ENDOU: variants seen among roughly 807,000 people sequenced by gnomAD.
The protein encoded by ENDOU is uridylate-specific endoribonuclease.
Under a neutral mutation model 54.2 loss-of-function variants are expected in ENDOU, and 49 were observed. The ratio of observed to expected loss-of-function variants is 0.90; its 90% CI spans 0.72 to 1.15. The LOEUF is 1.15. ENDOU is among the 50% of genes most tolerant of loss of function. ENDOU has a pLI of 0.00. For missense variants in ENDOU, 458 were observed against 511.4 expected, an observed-to-expected ratio of 0.90 and a Z score of 1.01; for synonymous variants, 172 against 190.5, an observed-to-expected ratio of 0.90 and a Z score of 0.80.
chr12:47,712,568 AG>A lies in ENDOU; in HGVS notation c.919del (p.Leu307TrpfsTer69), dbSNP rs1592500957. 3 of 1,614,174 alleles carry A rather than the reference AG, an allele frequency of 1.9e-6. No individual in the cohort carries two copies. Among genetic ancestry groups the A allele is most frequent in the Non-Finnish European group, 2.5e-6 (3 of 1,180,016 alleles). On this transcript the variant is annotated frameshift_variant, in exon 8 of 10. Coordinates refer to ENST00000422538, the MANE Select transcript of ENDOU (RefSeq NM_001172439.2). LOFTEE classifies it high-confidence loss of function. ...GTCAACCAGACCCTCCTTCTCCTCC[AG>A]GTAGAAGCGGATCCAGTTATGGAAG... is the stretch of plus-strand genomic sequence containing the variant. ...TGFHNWIRFYLEEKEGLVDYY... is the reference protein window; with the variant it reads ...TGFHNWIRFYXEEKEGLVDYY...
chr12:47,723,663 A>T (rs1940502947), intron 1 of ENDOU, among the ~76,000 whole-genome samples: 1 of 152,144 alleles, frequency 6.6e-6, no homozygotes, highest in African/African-American at 2.4e-5. Flanking sequence ...CCATCAAGGA[A>T]GCTTGGTCCC....
intron 3 of ENDOU, 181 bp downstream of exon 3, chr12:47,717,948 G>A: frequency 1.6e-6 from 1 of 630,024 alleles, no homozygotes; most frequent in East Asian, 2.8e-5. Context: ...CTCCTCCCAT[G>A]GCCCCCCAGG....
intron 3 of ENDOU, chr12:47,717,922 C>G (rs1940312902): frequency 3.2e-6 from 2 of 616,938 alleles, no homozygotes; most frequent in Middle Eastern, 4.3e-4. Flanking sequence ...GCCTCAGGCT[C>G]TCTTTCCTAG....
At chr12:47,716,205 C>A in intron 6 of ENDOU, 95 bp downstream of exon 6, 1 of 1,204,432 alleles carries the variant, frequency 8.3e-7, no homozygotes, top group Non-Finnish European at 1.2e-6. Flanking sequence ...GTCCCCACCG[C>A]CTCCTCACCT....
At position 47,711,659 on chromosome 12, in the gene ENDOU, C is replaced by CAGGGAGT. The variant is rs1329003928; in HGVS notation, c.1082_1088dup (p.Cys364LeufsTer73). Reference sequence around the variant, plus strand: ...CTTTGCCTGGCCTGGCGATGAAGCACAGGGAGTAGAGTGCAAACTCAAACT... The same window carrying CAGGGAGT: ...CTTTGCCTGGCCTGGCGATGAAGCACAGGGAGTAGGGAGTAGAGTGCAAACTCAAACT... On this transcript the variant is annotated frameshift_variant, in exon 9 of 10. Transcript: ENST00000422538. LOFTEE classifies it high-confidence loss of function. 6.2e-7 allele frequency: 1 copy of CAGGGAGT among 1,613,964 alleles called. No homozygotes were observed. The highest frequency in any genetic ancestry group is 2.2e-5 in the East Asian group (1 of 44,882).
In ENDOU at chr12:47,717,014, T is replaced by G. The variant is rs753672911; in HGVS notation, c.427A>C (p.Ser143Arg). Residue 143 changes from serine (S) to arginine (R), a missense_variant, in exon 5 of 10, where the codon AGC (serine) becomes CGC (arginine). Ser to Arg is a moderately radical substitution (Grantham distance 110, BLOSUM62 -1). Coordinates refer to ENST00000422538, the MANE Select transcript of ENDOU (RefSeq NM_001172439.2). The stretch of plus-strand genomic sequence containing the variant: ...GCCCTGTAGATCTTCTCAGAGATGC[T>G]CTGAATCTCCTCTTTTGTTATGGCA... ...SDAITKEEIQ[S>R]ISEKIYRADT... is the part of the protein sequence containing the mutation. 2 of 1,614,114 alleles carry G rather than the reference T, an allele frequency of 1.2e-6. No homozygotes were observed. The highest frequency in any genetic ancestry group is 1.7e-6 in the Non-Finnish European group (2 of 1,179,988).
At position 47,717,638 on chromosome 12, in the gene ENDOU, T is replaced by C. The variant is rs756510863; in HGVS notation, c.262A>G (p.Thr88Ala). 3.1e-6 allele frequency: 5 copies of C among 1,613,762 alleles called. No homozygotes were observed. In the African/African-American group the frequency reaches 6.7e-5, roughly 22 times the overall value. ...ALASNLYSAP[T>A]SCQGRCYEAF... ...TCGTAGCAGCGGCCCTGGCAGGAGG[T>C]GGGTGCCGAGTACAAGTCTGAGAAG... is the stretch of plus-strand genomic sequence containing the variant. The change falls in exon 4 of 10, where the codon ACC becomes GCC. Residue 88 changes from threonine to alanine, a missense_variant. Transcript: ENST00000422538.
At chr12:47,720,966 G>T in intron 1 of ENDOU, 91 bp from the exon 2 acceptor site, 1 of 1,269,922 alleles carries the variant, frequency 7.9e-7, no homozygotes. Context: ...ACCAGGGCAG[G>T]AGTGTACCTG....
Position 47,720,879 on chromosome 12 carries a change from T to C in ENDOU, c.56-4A>G, listed in dbSNP as rs1325252915. ...GATGCACAGGATTCTATTTTTCCTA[T>C]GGGCAGTAAAGGTCACCAACTCAGC... On this transcript the variant is annotated splice_region_variant and splice_polypyrimidine_tract_variant and intron_variant, in intron 1 of 9. Coordinates refer to ENST00000422538, the MANE Select transcript of ENDOU (RefSeq NM_001172439.2). 1 of 1,535,964 alleles carries C rather than the reference T, an allele frequency of 6.5e-7. No individual in the cohort carries two copies. The highest frequency in any genetic ancestry group is 8.7e-7 in the Non-Finnish European group (1 of 1,146,872).
At chr12:47,717,102 A>G in intron 4 of ENDOU, 44 bp from the exon 5 acceptor site, 3 of 1,585,550 alleles carry the variant, frequency 1.9e-6, no homozygotes, top group Non-Finnish European at 2.6e-6. Context: ...CCAGAGGGAA[A>G]GGGGGGCGGG....
intron 4 of ENDOU, 138 bp from the exon 5 acceptor site, chr12:47,717,196 G>A: frequency 1.4e-6 from 1 of 706,858 alleles, no homozygotes; most frequent in Non-Finnish European, 2.5e-6. Context: ...GGACACCCTA[G>A]TGGTGGACAG....
At chr12:47,715,330 G>A (rs144666735) in intron 6 of ENDOU, among the ~76,000 whole-genome samples, 13 of 152,336 alleles carry the variant, frequency 8.5e-5, no homozygotes, top group East Asian at 3.9e-4. Context: ...CCTTGGCATC[G>A]GAACCCTGAG....
chr12:47,724,319 T>C (rs1186885010), intron 1 of ENDOU, among the ~76,000 whole-genome samples: 1 of 152,206 alleles, frequency 6.6e-6, no homozygotes, highest in Non-Finnish European at 1.5e-5. Context: ...TCTGGTAAGA[T>C]GCACTATCTC....
chr12:47,712,918 G>A (rs563723678), intron 7 of ENDOU, among the ~76,000 whole-genome samples: 7 of 152,140 alleles, frequency 4.6e-5, no homozygotes, highest in South Asian at 2.1e-4. Flanking sequence ...GGTAGAATAG[G>A]GGGGAACAGA....
chr12:47,713,298 C>A lies in ENDOU; in HGVS notation c.842G>T (p.Ser281Ile), dbSNP rs528396082. ...YSRGNEEGDS[S>I]GFEHVFSGEV... ...ACCTGAGAAGACATGTTCAAAGCCA[C>A]TCGAGTCCCCCTCTTCATTGCCTCT... The change falls in exon 7 of 10, where the codon AGT becomes ATT. Residue 281 changes from serine to isoleucine, a missense_variant. Ser to Ile is a moderately radical substitution (Grantham distance 142). Coordinates refer to ENST00000422538, the MANE Select transcript of ENDOU (RefSeq NM_001172439.2). The A allele has an allele frequency of 6.2e-7, 1 of 1,613,124 alleles. No homozygotes were observed. The highest frequency in any genetic ancestry group is 8.5e-7 in the Non-Finnish European group (1 of 1,179,040).
intron 4 of ENDOU, 55 bp downstream of exon 4, chr12:47,717,463 C>T: frequency 6.3e-7 from 1 of 1,582,776 alleles, no homozygotes; most frequent in South Asian, 1.1e-5. Context: ...ATGTTGAGAA[C>T]CTGCTCTAAA....
chr12:47,717,813 G>C (rs935990582), intron 3 of ENDOU, 158 bp from the exon 4 acceptor site: 5 of 712,794 alleles, frequency 7.0e-6, no homozygotes, highest in Non-Finnish European at 9.3e-6. Flanking sequence ...ACCCTTCACA[G>C]TCAGGAAGTC....
At chr12:47,718,252 G>A in intron 2 of ENDOU, 58 bp from the exon 3 acceptor site, 1 of 1,472,928 alleles carries the variant, frequency 6.8e-7, no homozygotes, top group African/African-American at 1.4e-5. Context: ...CTGCTGCTTG[G>A]TTTCTGGTTC....
At chr12:47,712,723 C>A (rs1592501284) in intron 7 of ENDOU, 101 bp from the exon 8 acceptor site, 15 of 831,942 alleles carry the variant, frequency 1.8e-5, no homozygotes, top group Non-Finnish European at 2.9e-5. Context: ...CTTCTCCAGT[C>A]TCTGACTTCT....
Sources: allele counts gnomAD v4.1 joint callset (sites outside exome capture counted in the v4.1 genomes callset), GRCh38; gene constraint gnomAD v4.1.1; transcripts MANE v1.5; gene names NCBI Gene and HGNC (gene_info 2026-07-23, HGNC 2026-07-21).